NXPH4: variants seen among roughly 807,000 people sequenced by gnomAD.
NXPH4 encodes neurexophilin 4, also known as neurexophilin-4.
In NXPH4, 8 loss-of-function variants were observed where a neutral mutation model predicts 21.3. That is an observed-to-expected ratio of 0.38 (90% confidence interval 0.22 to 0.68). NXPH4 has a LOEUF of 0.68. Among genes scored for constraint, NXPH4 ranks in the 30% least tolerant of loss-of-function variants. The pLI, the probability that NXPH4 is intolerant of heterozygous loss-of-function variation, is 0.53. For missense variants in NXPH4, 418 were observed against 416.8 expected (o/e 1.00, Z -0.03); for synonymous variants, 219 against 192.6 (o/e 1.14, Z -1.13).
At chr12:57,220,228 TC>T in intron 1 of NXPH4, among the ~76,000 whole-genome samples, 1 of 151,902 alleles carries the variant, frequency 6.6e-6, no homozygotes, top group South Asian at 2.1e-4. Context: ...TTGGCGCGGC[TC>T]CCCCTCTCCC....
chr12:57,225,600 G>A lies in NXPH4; in HGVS notation c.780G>A (p.Glu260=). The change falls in exon 2 of 2, where the codon GAG becomes GAA. Residue 260 remains glutamate, a synonymous_variant. Coordinates refer to ENST00000349394, the MANE Select transcript of NXPH4 (RefSeq NM_007224.4). ...ACCCGTCGCAGGTGTGCTTCACCGA[G>A]CACACGCAGAGCCAGGCCGCCTGGC... The part of the protein sequence containing the change: ...LYDPSQVCFT[E]HTQSQAAWLC... 3.1e-6 allele frequency: 5 copies of A among 1,613,550 alleles called. No homozygotes were observed. The highest frequency in any genetic ancestry group is 1.1e-5 in the South Asian group (1 of 91,084).
chr12:57,219,570 A>G (rs1371997482), intron 1 of NXPH4, among the ~76,000 whole-genome samples: 1 of 152,144 alleles, frequency 6.6e-6, no homozygotes, highest in Non-Finnish European at 1.5e-5. Context: ...TGGCTGGCCG[A>G]AGCCCCTCAG....
intron 1 of NXPH4, among the ~76,000 whole-genome samples, chr12:57,220,305 A>G (rs2037078536): frequency 1.3e-5 from 2 of 151,938 alleles, no homozygotes; most frequent in Non-Finnish European, 2.9e-5. Context: ...GGGAAATTAC[A>G]TCCCCGCTCC....
chr12:57,220,320 C>T (rs1475041875), intron 1 of NXPH4, among the ~76,000 whole-genome samples: 1 of 152,228 alleles, frequency 6.6e-6, no homozygotes, highest in Non-Finnish European at 1.5e-5. Context: ...CGCTCCGCGG[C>T]TCCCCCCAAC....
At position 57,225,505 on chromosome 12, in the gene NXPH4, C is replaced by A. The variant is rs1565764619; in HGVS notation, c.685C>A (p.Arg229Ser). Residue 229 changes from arginine (R) to serine (S), a missense_variant, in exon 2 of 2, where the codon CGC becomes AGC. Transcript: ENST00000349394. Reference protein sequence around the residue: ...ALGVPGAKESRAFNCHVEYEK... With the variant: ...ALGVPGAKESSAFNCHVEYEK... ...GGGAGTGCCTGGGGCCAAAGAGTCA[C>A]GCGCTTTCAATTGCCACGTGGAGTA... 3 of 1,611,020 alleles carry A rather than the reference C, an allele frequency of 1.9e-6. No individual in the cohort carries two copies. The highest frequency in any genetic ancestry group is 1.1e-5 in the South Asian group (1 of 90,966).
At position 57,216,983 on chromosome 12, in the gene NXPH4, C is replaced by T. The variant is rs763519085; in HGVS notation, c.14C>T (p.Pro5Leu). MRLL[P>L]EWFLLLFGPW... ...CCGCCAGAGAAGATGCGGCTGCTCCCGGAATGGTTCCTCTTGCTCTTTGGC... is the reference window on the plus strand; with the variant it reads ...CCGCCAGAGAAGATGCGGCTGCTCCTGGAATGGTTCCTCTTGCTCTTTGGC... Residue 5 changes from proline (P) to leucine (L), a missense_variant, in exon 1 of 2, where the codon CCG (proline) becomes CTG (leucine). Pro to Leu is a moderately conservative substitution (Grantham distance 98, BLOSUM62 -3). Transcript: ENST00000349394. This position sits in a 1 kb window ranked among gnomAD's most constrained non-coding sequence, Gnocchi z 5.3. 91 of 1,604,186 alleles carry T rather than the reference C, an allele frequency of 5.7e-5. No individual in the cohort carries two copies. Among genetic ancestry groups the T allele is most frequent in the Non-Finnish European group, 7.4e-5 (87 of 1,176,200 alleles).
Position 57,216,889 on chromosome 12 carries a change from C to T in NXPH4, c.-81C>T, listed in dbSNP as rs1374594359. 1.4e-5 allele frequency: 14 copies of T among 988,766 alleles called. No individual in the cohort carries two copies. Among genetic ancestry groups the T allele is most frequent in the Admixed American group, 4.9e-5 (1 of 20,440 alleles). 61.2% of individuals were successfully genotyped at this position (988,766 alleles called of 1,614,324 possible). A position where few individuals can be genotyped will look rare whatever the true frequency, so the allele number is the denominator to read the frequency against. ...CCGCTCCCGCAGCCGCCCCGCCGCC[C>T]GCCCGGAGCCCCGCGTCCCTAGGCC... On this transcript the variant is annotated 5_prime_UTR_variant, in exon 1 of 2. Transcript: ENST00000349394. The surrounding 1 kb of genome is among the most constrained non-coding windows in gnomAD (Gnocchi z 5.3).
chr12:57,218,168 G>A (rs753091025), intron 1 of NXPH4, among the ~76,000 whole-genome samples: 1 of 152,210 alleles, frequency 6.6e-6, no homozygotes, highest in Non-Finnish European at 1.5e-5. Flanking sequence ...GAGTCTAGAA[G>A]GGGTGTATTT....
intron 1 of NXPH4, 44 bp downstream of exon 1, chr12:57,217,070 C>T (rs1454089325): frequency 1.9e-6 from 3 of 1,544,574 alleles, no homozygotes; most frequent in East Asian, 2.4e-5. Context: ...CGCGGGGTTC[C>T]GGGACGCGAA....
chr12:57,216,950 C>G lies in NXPH4; in HGVS notation c.-20C>G, dbSNP rs2037044843. 1.3e-6 allele frequency: 2 copies of G among 1,580,594 alleles called. No individual in the cohort carries two copies. The highest frequency in any genetic ancestry group is 1.2e-5 in the South Asian group (1 of 86,812). ...CTGCCCGAGACCCGCCCAGCCTGCC[C>G]CGCTCAGCCGCCAGAGAAGATGCGG... is the stretch of plus-strand genomic sequence containing the variant. On this transcript the variant is annotated 5_prime_UTR_variant, in exon 1 of 2. Transcript: ENST00000349394. This position sits in a 1 kb window ranked among gnomAD's most constrained non-coding sequence, Gnocchi z 5.3.
intron 1 of NXPH4, among the ~76,000 whole-genome samples, chr12:57,219,351 A>G (rs1323723030): frequency 6.6e-6 from 1 of 152,060 alleles, no homozygotes; most frequent in Non-Finnish European, 1.5e-5. Flanking sequence ...GATCTTTCTC[A>G]TACAGTCTCT....
chr12:57,217,111 C>T (rs2037047330), intron 1 of NXPH4, 85 bp downstream of exon 1: 1 of 1,210,722 alleles, frequency 8.3e-7, no homozygotes, highest in Non-Finnish European at 1.2e-6. Context: ...TCCGTGCGCC[C>T]GCCCCGCCCC....
At position 57,224,311 on chromosome 12, in the gene NXPH4, T is replaced by G. The variant is rs1054129015; in HGVS notation, c.58-567T>G. Among the ~76,000 whole-genome samples the G allele has an allele frequency of 2.2e-4, 33 of 152,168 alleles. 1 individual carries two copies. The highest frequency in any genetic ancestry group is 1.0e-3 in the Admixed American group (16 of 15,284). On this transcript the variant is annotated intron_variant, in intron 1 of 1. Coordinates refer to ENST00000349394, the MANE Select transcript of NXPH4 (RefSeq NM_007224.4). ...CGCCTAATTTTAGTAGAGATTAGGT[T>G]TCTCCATGTTGGCCAGGCTGGTCTC... is the stretch of plus-strand genomic sequence containing the variant.
intron 1 of NXPH4, among the ~76,000 whole-genome samples, chr12:57,217,244 C>A (rs1457579856): frequency 1.3e-5 from 2 of 152,202 alleles, no homozygotes; most frequent in East Asian, 3.9e-4. Flanking sequence ...GGGCGGAGGT[C>A]CCCCTTGCAG....
chr12:57,216,890 G>T lies in NXPH4; in HGVS notation c.-80G>T. 1.1e-6 allele frequency: 1 copy of T among 887,678 alleles called. No homozygotes were observed. The highest frequency in any genetic ancestry group is 1.4e-6 in the Non-Finnish European group (1 of 697,078). 55.0% of individuals were successfully genotyped at this position (887,678 alleles called of 1,614,324 possible). ...CGCTCCCGCAGCCGCCCCGCCGCCCGCCCGGAGCCCCGCGTCCCTAGGCCT... is the reference window on the plus strand; with the variant it reads ...CGCTCCCGCAGCCGCCCCGCCGCCCTCCCGGAGCCCCGCGTCCCTAGGCCT... On this transcript the variant is annotated 5_prime_UTR_variant, in exon 1 of 2. Coordinates refer to ENST00000349394, the MANE Select transcript of NXPH4 (RefSeq NM_007224.4). The surrounding 1 kb of genome is among the most constrained non-coding windows in gnomAD (Gnocchi z 5.3).
intron 1 of NXPH4, chr12:57,221,567 G>A (rs952360741): frequency 2.4e-5 from 8 of 340,056 alleles, no homozygotes; most frequent in African/African-American, 1.7e-4. Flanking sequence ...GCTGCCTCGG[G>A]GGTAAAGCCC....
At chr12:57,223,562 C>T (rs1395183796) in intron 1 of NXPH4, among the ~76,000 whole-genome samples, 2 of 152,188 alleles carry the variant, frequency 1.3e-5, no homozygotes, top group East Asian at 3.8e-4. Context: ...ACCAGAACCC[C>T]AGGCTGACAC....
rs1330509375 is a variant in NXPH4, at chr12:57,226,241, C to G, written c.*494C>G. Reference sequence around the variant, plus strand: ...ACCATTCTGCCTGCCATATGCCTGTCCCCTTTTCCTCCAAACCCTATTAGG... The same window carrying G: ...ACCATTCTGCCTGCCATATGCCTGTGCCCTTTTCCTCCAAACCCTATTAGG... On this transcript the variant is annotated 3_prime_UTR_variant, in exon 2 of 2. Coordinates refer to ENST00000349394, the MANE Select transcript of NXPH4 (RefSeq NM_007224.4). 2 of 362,366 alleles carry G rather than the reference C, an allele frequency of 5.5e-6. No homozygotes were observed. The highest frequency in any genetic ancestry group is 9.9e-6 in the Non-Finnish European group (2 of 201,768). 22.4% of individuals were successfully genotyped at this position (362,366 alleles called of 1,614,324 possible).
intron 1 of NXPH4, chr12:57,221,215 G>T: frequency 7.5e-6 from 3 of 400,222 alleles, no homozygotes; most frequent in South Asian, 3.5e-5. Flanking sequence ...TCTATCCCTC[G>T]TTCCCAGCCA....
Sources: allele counts gnomAD v4.1 joint callset (sites outside exome capture counted in the v4.1 genomes callset), GRCh38; gene constraint gnomAD v4.1.1; non-coding constraint Gnocchi (gnomAD v3.1); transcripts MANE v1.5; gene names NCBI Gene and HGNC (gene_info 2026-07-23, HGNC 2026-07-21).